The following AFG1L variants were observed in gnomAD, a reference collection of about 807,000 sequenced individuals.
AFG1L encodes AFG1 like ATPase.
A neutral mutation model predicts 62.2 loss-of-function variants in AFG1L; 53 were observed. The observed-to-expected ratio is 0.85, with a 90% CI of 0.68 to 1.07. The LOEUF (loss-of-function observed/expected upper bound fraction) is 1.07. Ranked by LOEUF, AFG1L falls within the 50% of genes least tolerant of loss-of-function variation. The pLI is 0.00. For missense variants in AFG1L, 555 were observed against 590.5 expected (o/e 0.94, Z 0.62); for synonymous variants, 228 against 210.3 (o/e 1.08, Z -0.73).
intron 2 of AFG1L, among the ~76,000 whole-genome samples, chr6:108,334,527 A>G (rs1463494038): frequency 1.4e-5 from 2 of 140,970 alleles, no homozygotes; most frequent in South Asian, 2.3e-4. Context: ...CTTCATCTCT[A>G]AAAAATAAAA....
intron 1 of AFG1L, among the ~76,000 whole-genome samples, chr6:108,315,499 C>G (rs1291618314): frequency 6.6e-6 from 1 of 152,144 alleles, no homozygotes; most frequent in African/African-American, 2.4e-5. Context: ...GTTGAAAATG[C>G]AAATTTTGAT....
At chr6:108,513,294 A>G (rs12528058) in intron 11 of AFG1L, among the ~76,000 whole-genome samples, 18,899 of 152,230 alleles carry the variant, frequency 0.12, 1,445 homozygotes, top group South Asian at 0.25. Flanking sequence ...CGCACCGAGC[A>G]TGAGCTGAAG....
rs2114373252 is a variant in AFG1L at position 108,337,448 on chromosome 6, A to G, written c.364-9540A>G. Among the ~76,000 whole-genome samples the G allele has an allele frequency of 2.0e-5, 3 of 152,268 alleles. No individual in the cohort carries two copies. The Middle Eastern group carries it at 0.01, about 518-fold the overall frequency. On this transcript the variant is annotated intron_variant, in intron 2 of 12. Coordinates refer to ENST00000368977, the MANE Select transcript of AFG1L (RefSeq NM_145315.5). Reference sequence around the variant, plus strand: ...TTATTTGTGCTTTGTCCCCCCTTCTATTCCGTGAGTTCCTTGGAAACAAGG... The same window carrying G: ...TTATTTGTGCTTTGTCCCCCCTTCTGTTCCGTGAGTTCCTTGGAAACAAGG...
At chr6:108,502,027 G>A (rs1351981081) in intron 10 of AFG1L, among the ~76,000 whole-genome samples, 1 of 152,096 alleles carries the variant, frequency 6.6e-6, no homozygotes, top group African/African-American at 2.4e-5. Flanking sequence ...TTGCCTCAAT[G>A]TTTTGTTTCT....
intron 5 of AFG1L, among the ~76,000 whole-genome samples, chr6:108,365,066 A>C (rs1213373270): frequency 5.3e-5 from 8 of 152,234 alleles, no homozygotes; most frequent in Non-Finnish European, 1.2e-4. Flanking sequence ...TATGTCCTCT[A>C]ATGGGGTTTA....
Position 108,450,583 on chromosome 6 carries a change from T to G in AFG1L, c.890+3287T>G, listed in dbSNP as rs537313364. Among the ~76,000 whole-genome samples, 5 of 152,370 alleles carry G rather than the reference T, an allele frequency of 3.3e-5. No individual in the cohort carries two copies. In the South Asian group the frequency reaches 1.0e-3, roughly 32 times the overall value. ...ACTCTGATGGTAGTTTCTTTTGCTG[T>G]GCAGAAGCGCTTTAGTTTAATTAGA... On this transcript the variant is annotated intron_variant, in intron 8 of 12. Coordinates refer to ENST00000368977, the MANE Select transcript of AFG1L (RefSeq NM_145315.5).
chr6:108,369,768 C>A (rs1334449782), intron 6 of AFG1L, among the ~76,000 whole-genome samples: 1 of 152,076 alleles, frequency 6.6e-6, no homozygotes, highest in Non-Finnish European at 1.5e-5. Context: ...ACCACCATGC[C>A]CAGCTAATTT....
intron 3 of AFG1L, among the ~76,000 whole-genome samples, chr6:108,348,072 T>G (rs1310461494): frequency 6.6e-6 from 1 of 151,678 alleles, no homozygotes; most frequent in African/African-American, 2.4e-5. Context: ...TTTGTTTTGT[T>G]TTTGTTTTTG....
Position 108,355,688 on chromosome 6 carries a change from T to C in AFG1L, c.450T>C (p.Tyr150=), listed in dbSNP as rs1779261271. Residue 150 remains tyrosine, a synonymous_variant, in exon 4 of 13, where the codon TAT becomes TAC. Transcript: ENST00000368977. ...AAACAATGGTGATGGACATGTTTTA[T>C]GCTTATGTGGAAATGAAGAGGAAAA... is the stretch of plus-strand genomic sequence containing the variant. ...TGKTMVMDMF[Y]AYVEMKRKKR... is the part of the protein sequence containing the mutation. 5 of 1,610,332 alleles carry C rather than the reference T, an allele frequency of 3.1e-6. No individual in the cohort carries two copies. The highest frequency in any genetic ancestry group is 4.2e-6 in the Non-Finnish European group (5 of 1,178,848).
intron 2 of AFG1L, 41 bp downstream of exon 2, chr6:108,324,089 G>A (rs1777935353): frequency 2.1e-6 from 3 of 1,449,244 alleles, no homozygotes; most frequent in South Asian, 2.4e-5. Context: ...AGTTAAAAGT[G>A]TAAGCATTTT....
chr6:108,321,936 CAG>C (rs1224143166), intron 1 of AFG1L, among the ~76,000 whole-genome samples: 4 of 152,132 alleles, frequency 2.6e-5, no homozygotes, highest in Non-Finnish European at 5.9e-5. Context: ...GGCTGGAGTG[CAG>C]TGGTGTAGGT....
chr6:108,500,171 C>CGT (rs61654685), intron 10 of AFG1L, among the ~76,000 whole-genome samples: 33,206 of 134,838 alleles, frequency 0.25, 4,188 homozygotes, highest in East Asian at 0.47. Context: ...ATGGTGCGTG[C>CGT]GTGTGTGTGT....
chr6:108,311,142 C>T (rs1432038141), intron 1 of AFG1L, among the ~76,000 whole-genome samples: 1 of 152,216 alleles, frequency 6.6e-6, no homozygotes, highest in Non-Finnish European at 1.5e-5. Flanking sequence ...ACCGGGCTCC[C>T]TTGTACTCCT....
chr6:108,514,609 C>A (rs1440085169), intron 11 of AFG1L, among the ~76,000 whole-genome samples: 1 of 152,212 alleles, frequency 6.6e-6, no homozygotes, highest in Non-Finnish European at 1.5e-5. Flanking sequence ...AAATAACCAG[C>A]TAACATCATA....
chr6:108,519,840 T>C, intron 12 of AFG1L, 30 bp downstream of exon 12: 1 of 1,389,170 alleles, frequency 7.2e-7, no homozygotes, highest in Admixed American at 1.9e-5. Flanking sequence ...TCTCTTTTTA[T>C]TATAAAACAG....
At chr6:108,397,069 C>T (rs924230019) in intron 6 of AFG1L, among the ~76,000 whole-genome samples, 1 of 152,000 alleles carries the variant, frequency 6.6e-6, no homozygotes, top group Non-Finnish European at 1.5e-5. Flanking sequence ...TGCTCTGTTG[C>T]CCAGGCTGGA....
At chr6:108,451,908 T>C (rs1276219824) in intron 8 of AFG1L, among the ~76,000 whole-genome samples, 1 of 151,902 alleles carries the variant, frequency 6.6e-6, no homozygotes, top group African/African-American at 2.4e-5. Context: ...GGAGACGGGG[T>C]TTTGCCAGAT....
chr6:108,484,554 C>G (rs960001172), intron 10 of AFG1L, among the ~76,000 whole-genome samples: 5 of 152,244 alleles, frequency 3.3e-5, no homozygotes, highest in Middle Eastern at 3.4e-3. Flanking sequence ...CCTACAAGAC[C>G]CCAGGCCTCC....
At chr6:108,337,656 GT>G (rs1248886039) in intron 2 of AFG1L, among the ~76,000 whole-genome samples, 1 of 152,166 alleles carries the variant, frequency 6.6e-6, no homozygotes, top group African/African-American at 2.4e-5. Flanking sequence ...AGAGATCTTA[GT>G]TCTCAAATAC....
Sources: gnomAD v4.1 joint callset for allele counts (sites outside exome capture counted in the v4.1 genomes callset) on GRCh38, gnomAD v4.1.1 for gene constraint, MANE v1.5 for transcripts, NCBI Gene and HGNC (gene_info 2026-07-23, HGNC 2026-07-21) for gene names.